Variants in CLIP2 observed in about 807,000 individuals in gnomAD.
CLIP2 encodes CAP-Gly domain-containing linker protein 2.
Under a neutral mutation model 111.7 loss-of-function variants are expected in CLIP2, and 41 were observed. The observed-to-expected ratio is 0.37, with a 90% confidence interval of 0.29 to 0.48. CLIP2 has a LOEUF of 0.48. Ranked by LOEUF, CLIP2 falls within the 20% of genes least tolerant of loss-of-function variation. The probability of loss-of-function intolerance (pLI) is 0.99; values close to 1 mark genes in which losing one functional copy is unlikely to be tolerated. For synonymous variants in CLIP2, 660 were observed against 644.2 expected (o/e 1.02, Z -0.37); for missense variants, 1,160 against 1,422.1 (o/e 0.82, Z 2.96).
chr7:74,346,424 GGTTTAAAAGTCTT>G (rs1204472706), intron 3 of CLIP2, among the ~76,000 whole-genome samples: 6 of 152,082 alleles, frequency 3.9e-5, no homozygotes, highest in Non-Finnish European at 8.8e-5. Context: ...GAACAGAATT[GGTTTAAAAGTCTT>G]TGCATCTGGG....
At chr7:74,364,953 G>C in intron 8 of CLIP2, 1 of 442,968 alleles carries the variant, frequency 2.3e-6, no homozygotes, top group Non-Finnish European at 4.5e-6. Flanking sequence ...GAATCTGGGA[G>C]ATGGAGGCTG....
chr7:74,315,092 A>G (rs535609186), intron 1 of CLIP2, among the ~76,000 whole-genome samples: 1 of 152,216 alleles, frequency 6.6e-6, no homozygotes, highest in Non-Finnish European at 1.5e-5. Flanking sequence ...TCTGGCCAAC[A>G]TGGCAAAACC....
intron 1 of CLIP2, among the ~76,000 whole-genome samples, chr7:74,308,741 G>A (rs1271858418): frequency 2.6e-5 from 4 of 152,128 alleles, no homozygotes; most frequent in African/African-American, 9.7e-5. Flanking sequence ...CTGACCTTCA[G>A]TGATCTGCCT....
intron 3 of CLIP2, among the ~76,000 whole-genome samples, chr7:74,349,511 T>C (rs1442537674): frequency 7.5e-6 from 1 of 132,574 alleles, no homozygotes; most frequent in South Asian, 2.4e-4. Context: ...TATATATATA[T>C]GTAAATAAAA....
At position 74,372,913 on chromosome 7, in the gene CLIP2, T is replaced by G. The variant is rs1374464884; in HGVS notation, c.1381-19T>G. 5.5e-5 allele frequency: 37 copies of G among 674,256 alleles called. No individual in the cohort carries two copies. Among genetic ancestry groups the G allele is most frequent in the Non-Finnish European group, 7.6e-5 (34 of 449,430 alleles). The allele number at this position is 674,256 out of a possible 1,614,324, so 41.8% of individuals were successfully genotyped here. A position where few individuals can be genotyped will look rare whatever the true frequency, so the allele number is the denominator to read the frequency against. ...TCCCCGCCCCCACCCCCCCACCGTGTCCACCCTGGGTGGACCAGACCCAGA... is the reference window on the plus strand; with the variant it reads ...TCCCCGCCCCCACCCCCCCACCGTGGCCACCCTGGGTGGACCAGACCCAGA... On this transcript the variant is annotated intron_variant, in intron 8 of 16. Transcript: ENST00000223398.
chr7:74,338,542 G>A lies in CLIP2; in HGVS notation c.216G>A (p.Gly72=). The change falls in exon 3 of 17, where the codon GGG becomes GGA. Residue 72 remains glycine (G), a synonymous_variant. Transcript: ENST00000223398. The surrounding 1 kb of genome is among the most constrained non-coding windows in gnomAD (Gnocchi z 4.3). The part of the protein sequence containing the change: ...EKPGPKAAEV[G]DDFLGDFVVG... ...CGGGCCCCAAGGCGGCGGAAGTGGG[G>A]GATGACTTCCTGGGGGACTTTGTGG... 6.3e-7 allele frequency: 1 copy of A among 1,599,954 alleles called. No individual in the cohort carries two copies.
At chr7:74,386,486 G>A (rs1554314804) in intron 11 of CLIP2, 35 bp from the exon 12 acceptor site, 1 of 1,578,498 alleles carries the variant, frequency 6.3e-7, no homozygotes, top group Non-Finnish European at 8.7e-7. Context: ...TGGTCCAGGA[G>A]CATTGATGCT....
At chr7:74,362,194 C>T (rs1790347348) in intron 7 of CLIP2, among the ~76,000 whole-genome samples, 1 of 152,124 alleles carries the variant, frequency 6.6e-6, no homozygotes, top group Non-Finnish European at 1.5e-5. Context: ...CGACTTGGTC[C>T]TGGGTCACCT....
intron 4 of CLIP2, among the ~76,000 whole-genome samples, chr7:74,355,645 G>A (rs1379062909): frequency 6.6e-6 from 1 of 152,160 alleles, no homozygotes; most frequent in African/African-American, 2.4e-5. Context: ...CCCAGTTCTC[G>A]TGGTCCAGTG....
chr7:74,364,486 C>T (rs1384112905), intron 8 of CLIP2, among the ~76,000 whole-genome samples, 171 bp downstream of exon 8: 7 of 152,128 alleles, frequency 4.6e-5, no homozygotes, highest in Admixed American at 2.6e-4. Flanking sequence ...GTGGCTCAGC[C>T]CCAGGAGCCC....
chr7:74,327,241 T>TAC (rs1258608674), intron 2 of CLIP2, among the ~76,000 whole-genome samples: 2 of 152,136 alleles, frequency 1.3e-5, no homozygotes, highest in Non-Finnish European at 2.9e-5. Context: ...TAGCTGGGAT[T>TAC]ACAGGCATGT....
At position 74,401,525 on chromosome 7, in the gene CLIP2, T is replaced by C; in HGVS notation, c.3087T>C (p.Ser1029=). 6.2e-7 allele frequency: 1 copy of C among 1,614,134 alleles called. No individual in the cohort carries two copies. The highest frequency in any genetic ancestry group is 1.7e-5 in the Admixed American group (1 of 60,014). The part of the protein sequence containing the change: ...DKAQTIGNSG[S]ANGIHQQDKA... ...TCCAGACCATCGGCAATTCCGGTTC[T>C]GCAAACGGCATCCACCAGCAGGACA... The change falls in exon 16 of 17, where the codon TCT becomes TCC. Residue 1029 remains serine (S), a synonymous_variant. Transcript: ENST00000223398.
intron 9 of CLIP2, among the ~76,000 whole-genome samples, chr7:74,375,624 AC>A (rs1209443026): frequency 2.8e-5 from 4 of 140,480 alleles, no homozygotes; most frequent in African/African-American, 1.0e-4. Context: ...TGTCCAAGCC[AC>A]CTAGGTAGAG....
At chr7:74,398,038 T>G (rs1172333990) in intron 14 of CLIP2, among the ~76,000 whole-genome samples, 1 of 151,224 alleles carries the variant, frequency 6.6e-6, no homozygotes, top group East Asian at 2.0e-4. Flanking sequence ...GGTAGGCAGG[T>G]GATGCTGGTA....
At position 74,360,204 on chromosome 7, in the gene CLIP2, G is replaced by C; in HGVS notation, c.1245G>C (p.Gln415His). The change falls in exon 7 of 17, where the codon CAG becomes CAC. Residue 415 changes from glutamine to histidine, a missense_variant. Gln to His is a conservative substitution (Grantham distance 24). Coordinates refer to ENST00000223398, the MANE Select transcript of CLIP2 (RefSeq NM_003388.5). The stretch of plus-strand genomic sequence containing the variant: ...TTGCAGAAGCCGAGGAGAAGCTGCA[G>C]CGAGCCCGGCTGCTCGTGGAGAGCG... Reference protein sequence around the residue: ...QYVAEAEEKLQRARLLVESVR... With the variant: ...QYVAEAEEKLHRARLLVESVR... 6.2e-7 allele frequency: 1 copy of C among 1,607,718 alleles called. No individual in the cohort carries two copies. Among genetic ancestry groups the C allele is most frequent in the South Asian group, 1.1e-5 (1 of 89,574 alleles).
chr7:74,300,287 T>G (rs1788295655), intron 1 of CLIP2, among the ~76,000 whole-genome samples: 1 of 151,700 alleles, frequency 6.6e-6, no homozygotes, highest in Non-Finnish European at 1.5e-5. Context: ...ACACCCAGCC[T>G]CTTCCCACCT....
At chr7:74,341,682 C>G (rs782164262) in intron 3 of CLIP2, among the ~76,000 whole-genome samples, 1 of 151,296 alleles carries the variant, frequency 6.6e-6, no homozygotes, top group Non-Finnish European at 1.5e-5. Flanking sequence ...CAGCCTCAAA[C>G]TTGGACTCAA....
At chr7:74,392,507 G>C (rs951110509) in intron 13 of CLIP2, among the ~76,000 whole-genome samples, 10 of 151,762 alleles carry the variant, frequency 6.6e-5, no homozygotes, top group Non-Finnish European at 1.5e-4. Flanking sequence ...CTGGGCGACA[G>C]AGCAAGACCC....
chr7:74,398,320 C>T (rs1180224463), intron 14 of CLIP2, among the ~76,000 whole-genome samples: 1 of 151,934 alleles, frequency 6.6e-6, no homozygotes, highest in Non-Finnish European at 1.5e-5. Context: ...GATTGCGCCA[C>T]TGCACTGCAG....
Sources: gnomAD v4.1 joint callset for allele counts (sites outside exome capture counted in the v4.1 genomes callset) on GRCh38, gnomAD v4.1.1 for gene constraint, Gnocchi (gnomAD v3.1) non-coding constraint, MANE v1.5 for transcripts, NCBI Gene and HGNC (gene_info 2026-07-23, HGNC 2026-07-21) for gene names.